Variants in GNAS observed in about 807,000 individuals in gnomAD.
GNAS encodes the protein protein ALEX.
A neutral mutation model predicts 54.5 loss-of-function variants in GNAS; 8 were observed. The observed-to-expected ratio is 0.15, with a 90% CI of 0.09 to 0.26. GNAS has a LOEUF of 0.26. Ranked by LOEUF, GNAS falls within the 10% of genes least tolerant of loss-of-function variation. The pLI is 1.00. For synonymous variants in GNAS, 204 were observed against 191.4 expected (o/e 1.07, Z -0.54); for missense variants, 170 against 529.8 (o/e 0.32, Z 6.67).
At chr20:58,897,198 A>C (rs1299568234) in intron 2 of GNAS, among the ~76,000 whole-genome samples, 1 of 152,218 alleles carries the variant, frequency 6.6e-6, no homozygotes, top group African/African-American at 2.4e-5. Context: ...GTAAGTCAGC[A>C]TCACTTGTCA....
At chr20:58,848,685 G>A (rs2086036653) in intron 1 of GNAS, among the ~76,000 whole-genome samples, 1 of 152,100 alleles carries the variant, frequency 6.6e-6, no homozygotes. Context: ...CACCAGACAA[G>A]CCAACCAATC....
At chr20:58,879,208 T>C (rs2088055775) in intron 1 of GNAS, among the ~76,000 whole-genome samples, 1 of 152,250 alleles carries the variant, frequency 6.6e-6, no homozygotes, top group South Asian at 2.1e-4. Flanking sequence ...TTAGACCATT[T>C]ACATTTTACA....
chr20:58,859,450 G>A (rs539819781), intron 1 of GNAS, among the ~76,000 whole-genome samples: 1 of 149,228 alleles, frequency 6.7e-6, no homozygotes, highest in South Asian at 2.1e-4. Flanking sequence ...GATCTACCCA[G>A]CCTCCCAAAG....
Position 58,891,498 on chromosome 20 carries a change from G to A in GNAS, c.-229G>A. The A allele has an allele frequency of 3.1e-6, 3 of 970,662 alleles. No individual in the cohort carries two copies. The highest frequency in any genetic ancestry group is 3.7e-6 in the Non-Finnish European group (3 of 819,204). The allele number at this position is 970,662 out of a possible 1,614,324, so 60.1% of individuals were successfully genotyped here. ...AGCCCCCTCGGCCTCGGCTCGAGGG[G>A]CGGGGAGCTGCGCGCGCCCCTCGGT... On this transcript the variant is annotated 5_prime_UTR_variant, in exon 1 of 13. Coordinates refer to ENST00000371085, the MANE Select transcript of GNAS (RefSeq NM_000516.7).
chr20:58,851,068 G>A (rs113962106), intron 1 of GNAS, among the ~76,000 whole-genome samples: 358 of 152,358 alleles, frequency 2.3e-3, no homozygotes, highest in African/African-American at 7.9e-3. Context: ...ATGCTCAAGT[G>A]GTTAAGCCGT....
chr20:58,866,662 T>C (rs2087087116), intron 1 of GNAS, among the ~76,000 whole-genome samples: 1 of 152,190 alleles, frequency 6.6e-6, no homozygotes, highest in South Asian at 2.1e-4. Flanking sequence ...TCTATAGAGT[T>C]TTCAGATTGT....
At chr20:58,891,133 T>G (rs1052807769), upstream of GNAS, among the ~76,000 whole-genome samples, 2 of 140,668 alleles carry the variant, frequency 1.4e-5, no homozygotes, top group South Asian at 2.7e-4. Flanking sequence ...GCCCGGGGGG[T>G]GGGGGGCGTC....
intron 1 of GNAS, among the ~76,000 whole-genome samples, chr20:58,893,752 G>A (rs12481574): frequency 0.32 from 48,124 of 152,150 alleles, 9,679 homozygotes; most frequent in East Asian, 0.68. Flanking sequence ...TGATTTCAAA[G>A]TATAAATCTG....
At position 58,859,405 on chromosome 20, in the gene GNAS, T is replaced by G. The variant is rs151242793; in HGVS notation, c.43+18519T>G. Among the ~76,000 whole-genome samples, 1,335 of 152,210 alleles carry G rather than the reference T, an allele frequency of 8.8e-3. 10 individuals carry two copies. The highest frequency in any genetic ancestry group is 0.018 in the African/African-American group (729 of 41,524). On this transcript the variant is annotated intron_variant, in intron 1 of 12. Transcript: ENST00000306090. ...TTAGTAGAGATGGGGTTTCACCATG[T>G]TGTTCAAGCTGGTCTCGAACTCCTG...
chr20:58,851,021 T>A (rs1373146048), intron 1 of GNAS: 4 of 397,080 alleles, frequency 1.0e-5, no homozygotes, highest in African/African-American at 6.2e-5. Context: ...CGGAGGGGAG[T>A]GAGTTGGTGT....
In GNAS at chr20:58,909,249, G is replaced by C; in HGVS notation, c.585+33G>C. 1 of 1,604,208 alleles carries C rather than the reference G, an allele frequency of 6.2e-7. No individual in the cohort carries two copies. The highest frequency in any genetic ancestry group is 8.5e-7 in the Non-Finnish European group (1 of 1,171,002). ...AAACCCCTCCCCACCAGAGGACTCTGAGCCCTCTTTCCAAACTACTCCAGA... is the reference window on the plus strand; with the variant it reads ...AAACCCCTCCCCACCAGAGGACTCTCAGCCCTCTTTCCAAACTACTCCAGA... On this transcript the variant is annotated intron_variant, in intron 7 of 12. Transcript: ENST00000371085. The surrounding 1 kb of genome is among the most constrained non-coding windows in gnomAD (Gnocchi z 7.3).
chr20:58,910,541 C>A lies in GNAS; in HGVS notation c.1038+140C>A. On this transcript the variant is annotated intron_variant, in intron 12 of 12. Transcript: ENST00000371085. This position sits in a 1 kb window ranked among gnomAD's most constrained non-coding sequence, Gnocchi z 5.8. Reference sequence around the variant, plus strand: ...CACGCACATCCAGTGTGGATTTGAGCTCTTTGCGCCCCTCTTTTTGCTTTT... The same window carrying A: ...CACGCACATCCAGTGTGGATTTGAGATCTTTGCGCCCCTCTTTTTGCTTTT... 1.7e-6 allele frequency: 2 copies of A among 1,177,582 alleles called. No individual in the cohort carries two copies. The highest frequency in any genetic ancestry group is 1.3e-6 in the Non-Finnish European group (1 of 794,966). The allele number at this position is 1,177,582 out of a possible 1,614,324, so 72.9% of individuals were successfully genotyped here.
intron 1 of GNAS, among the ~76,000 whole-genome samples, chr20:58,872,017 T>A (rs1196249501): frequency 6.6e-6 from 1 of 152,046 alleles, no homozygotes; most frequent in African/African-American, 2.4e-5. Flanking sequence ...GGCTGGGGCA[T>A]CCTCTCCTCC....
Position 58,863,901 on chromosome 20 carries a change from A to T in GNAS, c.43+23015A>T, listed in dbSNP as rs2086902323. On this transcript the variant is annotated intron_variant, in intron 1 of 12. Coordinates refer to the GNAS transcript ENST00000306090. The surrounding 1 kb of genome is among the most constrained non-coding windows in gnomAD (Gnocchi z 4.1). ...AAGCTGTGGGATATTTGAGGGGGAA[A>T]AAATGAATAATGCTTATCATGATCC... 1 of 152,656 alleles carries T rather than the reference A, an allele frequency of 6.6e-6. No individual in the cohort carries two copies. Among genetic ancestry groups the T allele is most frequent in the Non-Finnish European group, 1.5e-5 (1 of 68,050 alleles). The allele number at this position is 152,656 out of a possible 1,614,324, so 9.5% of individuals were successfully genotyped here.
upstream of GNAS, chr20:58,888,531 CT>C (rs1223209102): frequency 6.6e-6 from 1 of 152,220 alleles, no homozygotes; most frequent in African/African-American, 2.4e-5. Context: ...CCGTAAACTA[CT>C]TTTCCCTCTG....
At chr20:58,886,290 G>C (rs1463471890) in intron 1 of GNAS, among the ~76,000 whole-genome samples, 2 of 152,186 alleles carry the variant, frequency 1.3e-5, no homozygotes, top group African/African-American at 4.8e-5. Flanking sequence ...GACACCATCT[G>C]TTTAAACAAG....
intron 1 of GNAS, chr20:58,851,002 C>T (rs935444482): frequency 1.8e-5 from 7 of 398,302 alleles, no homozygotes; most frequent in Non-Finnish European, 2.7e-5. Context: ...GCTGACCCGG[C>T]GCTGGGGTCG....
At chr20:58,904,181 ATG>A (rs2090885090) in intron 5 of GNAS, among the ~76,000 whole-genome samples, 1 of 152,180 alleles carries the variant, frequency 6.6e-6, no homozygotes, top group Non-Finnish European at 1.5e-5. Flanking sequence ...ACAAAACTGT[ATG>A]TTAAATATGG....
chr20:58,903,447 T>C (rs2146175011), intron 3 of GNAS, 84 bp from the exon 4 acceptor site: 1 of 1,127,076 alleles, frequency 8.9e-7, no homozygotes, highest in African/African-American at 1.5e-5. Flanking sequence ...TACTATGCTT[T>C]TTAGTCGGGA....
Sources: allele counts gnomAD v4.1 joint callset (sites outside exome capture counted in the v4.1 genomes callset), GRCh38; gene constraint gnomAD v4.1.1; non-coding constraint Gnocchi (gnomAD v3.1); transcripts MANE v1.5; gene names NCBI Gene and HGNC (gene_info 2026-07-23, HGNC 2026-07-21).